The following ALPK2 variants were observed in gnomAD, a reference collection of about 807,000 sequenced individuals.
ALPK2 encodes the protein alpha-protein kinase 2.
A neutral mutation model predicts 163.1 loss-of-function variants in ALPK2; 127 were observed. That is an observed-to-expected ratio of 0.78 (90% CI 0.67 to 0.90). ALPK2 has a LOEUF of 0.90. ALPK2 is among the 40% of genes least tolerant of loss of function. The pLI is 0.00. For missense variants in ALPK2, 2,360 were observed against 2,589.6 expected, an observed-to-expected ratio of 0.91 and a Z score of 1.92; for synonymous variants, 953 against 959.1, an observed-to-expected ratio of 0.99 and a Z score of 0.12.
chr18:58,588,800 G>A (rs555406526), intron 3 of ALPK2, among the ~76,000 whole-genome samples: 5 of 152,330 alleles, frequency 3.3e-5, no homozygotes, highest in South Asian at 2.1e-4. Flanking sequence ...ATTCCGTGGT[G>A]TATATGTACC....
At chr18:58,524,849 C>G (rs1423433111) in intron 6 of ALPK2, among the ~76,000 whole-genome samples, 1 of 151,566 alleles carries the variant, frequency 6.6e-6, no homozygotes, top group Non-Finnish European at 1.5e-5. Flanking sequence ...AGCTGCCTCC[C>G]CAAGTAAATT....
At chr18:58,486,212 G>A (rs2051338127) in intron 12 of ALPK2, among the ~76,000 whole-genome samples, 1 of 152,166 alleles carries the variant, frequency 6.6e-6, no homozygotes, top group Non-Finnish European at 1.5e-5. Context: ...CAGAAAGCTG[G>A]AGTCAGGCAG....
intron 4 of ALPK2, among the ~76,000 whole-genome samples, chr18:58,566,014 C>G (rs12457817): frequency 0.38 from 57,139 of 152,064 alleles, 10,870 homozygotes; most frequent in Admixed American, 0.42. Flanking sequence ...GACTCCTGAC[C>G]TCATGATCCA....
chr18:58,594,989 T>C (rs545862460), intron 3 of ALPK2, among the ~76,000 whole-genome samples: 1 of 152,322 alleles, frequency 6.6e-6, no homozygotes, highest in South Asian at 2.1e-4. Context: ...TGTCATCACA[T>C]CTCTGTTCAG....
chr18:58,510,681 C>CT lies in ALPK2; in HGVS notation c.6029+4311dup, dbSNP rs907805845. ...GGGAGTTCACTCATGATTTGGCTCT[C>CT]TGTTTTTCTGTTATTGGTGTATAAG... On this transcript the variant is annotated intron_variant, in intron 10 of 12. Transcript: ENST00000361673. 4.9e-3 allele frequency among the ~76,000 whole-genome samples: 753 copies of CT among 152,260 alleles called. 1 individual carries two copies. Among genetic ancestry groups the CT allele is most frequent in the African/African-American group, 0.017 (725 of 41,532 alleles).
In ALPK2 at chr18:58,517,174, C is replaced by G; in HGVS notation, c.5674G>C (p.Glu1892Gln). ...AAGATGAGTTGGCTGAATTCAATCT[C>G]TTCACATCCTGAAACACAGCACAGC... Reference protein sequence around the residue: ...SSRQDTKGCEEIEFSQLIFKE... With the variant: ...SSRQDTKGCEQIEFSQLIFKE... The change falls in exon 9 of 13, where the codon GAG (glutamate) becomes CAG (glutamine). Residue 1892 changes from glutamate (E) to glutamine (Q), a missense_variant. Coordinates refer to ENST00000361673, the MANE Select transcript of ALPK2 (RefSeq NM_052947.4). 1 of 1,613,538 alleles carries G rather than the reference C, an allele frequency of 6.2e-7. No individual in the cohort carries two copies. The highest frequency in any genetic ancestry group is 1.7e-5 in the Admixed American group (1 of 60,010).
chr18:58,516,556 G>C (rs2051522533), intron 9 of ALPK2, among the ~76,000 whole-genome samples: 1 of 152,076 alleles, frequency 6.6e-6, no homozygotes, highest in Admixed American at 6.6e-5. Flanking sequence ...TGGAGACCCT[G>C]GCATCTAGTG....
chr18:58,494,968 C>T (rs1468830415), intron 12 of ALPK2, among the ~76,000 whole-genome samples: 3 of 152,102 alleles, frequency 2.0e-5, no homozygotes, highest in Admixed American at 6.5e-5. Context: ...GAGGATCTGC[C>T]GTTCACTTTG....
chr18:58,553,934 T>C (rs2051774809), intron 4 of ALPK2, among the ~76,000 whole-genome samples: 1 of 124,312 alleles, frequency 8.0e-6, no homozygotes, highest in Middle Eastern at 5.3e-3. Flanking sequence ...TGATCTTGGC[T>C]CACTGAAACC....
intron 1 of ALPK2, among the ~76,000 whole-genome samples, chr18:58,620,116 C>A (rs576974729): frequency 1.3e-5 from 2 of 152,260 alleles, no homozygotes; most frequent in African/African-American, 2.4e-5. Context: ...CATGGTGAAA[C>A]CTGTCTCTAC....
At chr18:58,617,832 TC>T (rs2144238530) in intron 1 of ALPK2, among the ~76,000 whole-genome samples, 1 of 152,334 alleles carries the variant, frequency 6.6e-6, no homozygotes, top group African/African-American at 2.4e-5. Flanking sequence ...AGGCTCTCTA[TC>T]AGCTTTTGAA....
rs768466371 is a variant in ALPK2, at chr18:58,579,899, T to C, written c.877A>G (p.Lys293Glu). The change falls in exon 4 of 13, where the codon AAA becomes GAA. Residue 293 changes from lysine (K) to glutamate (E), a missense_variant. Lys to Glu is a moderately conservative substitution (Grantham distance 56). Coordinates refer to ENST00000361673, the MANE Select transcript of ALPK2 (RefSeq NM_052947.4). The stretch of plus-strand genomic sequence containing the variant: ...CTGGAAAGCTGTGGGCTGGGTTGTT[T>C]GTTGGCCACGGCACTGTCACCTGGG... ...IYPGDSAVAN[K>E]QPSPQLSSED... 38 of 1,614,078 alleles carry C rather than the reference T, an allele frequency of 2.4e-5. No individual in the cohort carries two copies. The Admixed American group carries it at 6.2e-4, about 26-fold the overall frequency.
Position 58,481,844 on chromosome 18 carries a change from G to A in ALPK2, c.6492C>T (p.Thr2164=). 3.1e-6 allele frequency: 5 copies of A among 1,614,080 alleles called. No homozygotes were observed. The East Asian group carries it at 1.1e-4, about 36-fold the overall frequency. The change falls in exon 13 of 13, where the codon ACC becomes ACT. Residue 2164 remains threonine, a synonymous_variant. Transcript: ENST00000361673. ...GACGTTAGGTTTTCTTTTCGCCTGGGGTCTCAGGCCCTGCCTTCTTTATTG... is the reference window on the plus strand; with the variant it reads ...GACGTTAGGTTTTCTTTTCGCCTGGAGTCTCAGGCCCTGCCTTCTTTATTG... ...SMTIKKAGPE[T]PGEKKT is the part of the protein sequence containing the mutation.
At chr18:58,569,290 A>C (rs1176754391) in intron 4 of ALPK2, among the ~76,000 whole-genome samples, 2 of 152,194 alleles carry the variant, frequency 1.3e-5, no homozygotes, top group Non-Finnish European at 2.9e-5. Flanking sequence ...GAGCTTTTAG[A>C]GCTTCCAACG....
rs55853669 is a variant in ALPK2, at chr18:58,537,694, C to T, written c.2493G>A (p.Ser831=). The part of the protein sequence containing the change: ...SLVGRPVDKY[S]PQEICSVDTE... ...TATCTACAGAGCAAATTTCTTGAGG[C>T]GAATATTTATCAACTGGTCTCCCAA... The change falls in exon 5 of 13, where the codon TCG becomes TCA. Residue 831 remains serine, a synonymous_variant. Coordinates refer to ENST00000361673, the MANE Select transcript of ALPK2 (RefSeq NM_052947.4). 1.8e-3 allele frequency: 2,956 copies of T among 1,613,928 alleles called. 44 individuals carry two copies. In the African/African-American group the frequency reaches 0.034, roughly 18 times the overall value.
At chr18:58,504,795 G>A (rs1434804313) in intron 10 of ALPK2, among the ~76,000 whole-genome samples, 1 of 152,162 alleles carries the variant, frequency 6.6e-6, no homozygotes, top group African/African-American at 2.4e-5. Flanking sequence ...TATGTAGGGA[G>A]GTCAGAGCAG....
Position 58,535,203 on chromosome 18 carries a change from A to G in ALPK2, c.4984T>C (p.Leu1662=), listed in dbSNP as rs1211622895. 6.2e-7 allele frequency: 1 copy of G among 1,613,838 alleles called. No individual in the cohort carries two copies. Among genetic ancestry groups the G allele is most frequent in the Non-Finnish European group, 8.5e-7 (1 of 1,179,946 alleles). Residue 1662 remains leucine (L), a synonymous_variant, in exon 5 of 13, where the codon TTA becomes CTA. Coordinates refer to ENST00000361673, the MANE Select transcript of ALPK2 (RefSeq NM_052947.4). ...TGCAGTAATTTAGGGGCTTTCTCTA[A>G]CTCACGTTCTCCTGAAATAAATGCC... is the stretch of plus-strand genomic sequence containing the variant. ...TLAFISGERE[L]EKAPKLLQDP... is the part of the protein sequence containing the mutation.
intron 12 of ALPK2, among the ~76,000 whole-genome samples, chr18:58,484,738 G>A (rs759950966): frequency 2.6e-5 from 3 of 116,200 alleles, no homozygotes; most frequent in Non-Finnish European, 3.7e-5. Context: ...GCGAGACTTC[G>A]TCTCAAAAAA....
intron 12 of ALPK2, among the ~76,000 whole-genome samples, chr18:58,494,981 G>A (rs1371784787): frequency 2.6e-5 from 4 of 152,070 alleles, no homozygotes; most frequent in Non-Finnish European, 5.9e-5. Context: ...TCACTTTGGG[G>A]TGCTGACTTC....
Sources: allele counts gnomAD v4.1 joint callset (sites outside exome capture counted in the v4.1 genomes callset), GRCh38; gene constraint gnomAD v4.1.1; transcripts MANE v1.5; gene names NCBI Gene and HGNC (gene_info 2026-07-23, HGNC 2026-07-21).